The following WDR25 variants were observed in gnomAD, a reference collection of about 807,000 sequenced individuals.
WDR25 encodes WD repeat-containing protein 25.
WDR25 carries 35 observed loss-of-function variants against 47.7 expected under a neutral mutation model. That is an observed-to-expected ratio of 0.73 (90% CI 0.56 to 0.97). The LOEUF is 0.97. Among genes scored for constraint, WDR25 ranks in the 50% least tolerant of loss-of-function variants. The pLI is 0.00. For missense variants in WDR25, 634 were observed against 704.7 expected (o/e 0.90, Z 1.14); for synonymous variants, 248 against 278.9 (o/e 0.89, Z 1.10).
At chr14:100,417,769 T>G (rs533150211) in intron 2 of WDR25, among the ~76,000 whole-genome samples, 1 of 152,278 alleles carries the variant, frequency 6.6e-6, no homozygotes, top group African/African-American at 2.4e-5. Flanking sequence ...ACATCGCATT[T>G]TCTGCCTGAC....
chr14:100,456,501 A>G (rs887587335), intron 2 of WDR25, among the ~76,000 whole-genome samples: 1 of 152,348 alleles, frequency 6.6e-6, no homozygotes, highest in Non-Finnish European at 1.5e-5. Flanking sequence ...AACATATTAC[A>G]TATGTGCAAA....
chr14:100,515,383 G>A (rs74081520), intron 4 of WDR25, among the ~76,000 whole-genome samples: 5 of 151,872 alleles, frequency 3.3e-5, no homozygotes, highest in Admixed American at 1.3e-4. Context: ...CATATTCAGG[G>A]TTTTTGGATT....
At chr14:100,474,789 A>G (rs1899962562) in intron 3 of WDR25, among the ~76,000 whole-genome samples, 1 of 152,254 alleles carries the variant, frequency 6.6e-6, no homozygotes, top group Admixed American at 6.5e-5. Context: ...AAATATAGGC[A>G]AAAGAATTGC....
At chr14:100,483,781 G>T (rs1177103295) in intron 3 of WDR25, among the ~76,000 whole-genome samples, 1 of 152,212 alleles carries the variant, frequency 6.6e-6, no homozygotes, top group Non-Finnish European at 1.5e-5. Flanking sequence ...GGGATGTTCA[G>T]CTAGTCAAGG....
chr14:100,485,441 CTG>C (rs542302239), intron 4 of WDR25, among the ~76,000 whole-genome samples: 234 of 152,292 alleles, frequency 1.5e-3, no homozygotes, highest in Admixed American at 3.5e-3. Context: ...ATAGTTGGCA[CTG>C]TGTGAATCAT....
chr14:100,422,661 A>G (rs548333044), intron 2 of WDR25, among the ~76,000 whole-genome samples: 2 of 152,196 alleles, frequency 1.3e-5, no homozygotes, highest in Admixed American at 1.3e-4. Context: ...CCTCCTGAGT[A>G]TTTGTTCCGT....
intron 2 of WDR25, among the ~76,000 whole-genome samples, chr14:100,453,302 C>T (rs1034771607): frequency 6.6e-6 from 1 of 152,220 alleles, no homozygotes; most frequent in African/African-American, 2.4e-5. Flanking sequence ...ACTTTCGAGC[C>T]AGAGTGCCTT....
rs1009418549 is a variant in WDR25, at chr14:100,469,155, G to T, written c.970+987G>T. Among the ~76,000 whole-genome samples, 9 of 152,178 alleles carry T rather than the reference G, an allele frequency of 5.9e-5. No individual in the cohort carries two copies. In the East Asian group the frequency reaches 1.7e-3, roughly 29 times the overall value. ...CTTGCCTGCCTAGCCCCGCAGTGGT[G>T]GTGGCTCTGGGCCCTGCCTCTCCTA... On this transcript the variant is annotated intron_variant, in intron 3 of 6. Transcript: ENST00000402312.
chr14:100,526,144 A>C, intron 5 of WDR25, 104 bp downstream of exon 5: 5 of 1,369,476 alleles, frequency 3.7e-6, no homozygotes, highest in Non-Finnish European at 5.0e-6. Flanking sequence ...GAGGAGGCTC[A>C]CTGGACTGAA....
intron 4 of WDR25, among the ~76,000 whole-genome samples, chr14:100,514,698 A>G (rs923110654): frequency 3.3e-5 from 5 of 152,080 alleles, no homozygotes; most frequent in South Asian, 2.1e-4. Flanking sequence ...TTATGTTACA[A>G]TCTCCAACAT....
chr14:100,390,508 G>A (rs1221941713), intron 2 of WDR25, among the ~76,000 whole-genome samples: 1 of 152,016 alleles, frequency 6.6e-6, no homozygotes, highest in East Asian at 1.9e-4. Flanking sequence ...GCAGGCTGGC[G>A]CTCATCATAG....
rs540140708 is a variant in WDR25, at chr14:100,382,679, C to T, written c.822+933C>T. Among the ~76,000 whole-genome samples, 15 of 152,296 alleles carry T rather than the reference C, an allele frequency of 9.8e-5. No individual in the cohort carries two copies. The East Asian group carries it at 1.4e-3, about 14-fold the overall frequency. On this transcript the variant is annotated intron_variant, in intron 2 of 6. Coordinates refer to ENST00000402312, the MANE Select transcript of WDR25 (RefSeq NM_001161476.3). ...GCACTGCATCCCTCCTCTCTCTCCT[C>T]GCAGCTAGCAAAGCACCTGATATGT... is the stretch of plus-strand genomic sequence containing the variant.
At chr14:100,377,864 C>T (rs1013506051) in intron 1 of WDR25, among the ~76,000 whole-genome samples, 2 of 152,124 alleles carry the variant, frequency 1.3e-5, no homozygotes, top group South Asian at 2.1e-4. Context: ...TCTGGAATGA[C>T]TTAGAAAAGG....
chr14:100,435,066 C>T (rs1441203070), intron 2 of WDR25, among the ~76,000 whole-genome samples: 2 of 152,160 alleles, frequency 1.3e-5, no homozygotes, highest in Non-Finnish European at 2.9e-5. Flanking sequence ...GCACAGCCCC[C>T]ACCAGGCGTT....
chr14:100,417,537 C>A (rs943212339), intron 2 of WDR25, among the ~76,000 whole-genome samples: 1 of 152,200 alleles, frequency 6.6e-6, no homozygotes, highest in Non-Finnish European at 1.5e-5. Context: ...CCTGGTGGCT[C>A]CCCTTTCCAG....
intron 4 of WDR25, among the ~76,000 whole-genome samples, chr14:100,491,401 G>A (rs1037850508): frequency 5.3e-5 from 8 of 152,136 alleles, no homozygotes; most frequent in Non-Finnish European, 1.0e-4. Flanking sequence ...ACATAATGAC[G>A]TTTCGGTCAA....
intron 2 of WDR25, among the ~76,000 whole-genome samples, chr14:100,455,665 G>A (rs1453415251): frequency 6.6e-6 from 1 of 152,196 alleles, no homozygotes; most frequent in African/African-American, 2.4e-5. Flanking sequence ...AGAAAAATGA[G>A]TGTCATGTGG....
At chr14:100,459,028 A>G (rs955877800) in intron 2 of WDR25, among the ~76,000 whole-genome samples, 10 of 152,368 alleles carry the variant, frequency 6.6e-5, no homozygotes, top group Admixed American at 3.9e-4. Context: ...GCCAATAAAA[A>G]TAAGAGCAGA....
rs1375612965 is a variant in WDR25 at position 100,404,459 on chromosome 14, A to G, written c.822+22713A>G. 2.0e-5 allele frequency among the ~76,000 whole-genome samples: 3 copies of G among 152,194 alleles called. No homozygotes were observed. The highest frequency in any genetic ancestry group is 7.2e-5 in the African/African-American group (3 of 41,432). Reference sequence around the variant, plus strand: ...CAGTGTCATTTCTCATGTGGTTTTCACCTTGACCTTACCACCATGGGAGGC... The same window carrying G: ...CAGTGTCATTTCTCATGTGGTTTTCGCCTTGACCTTACCACCATGGGAGGC... On this transcript the variant is annotated intron_variant, in intron 2 of 6. Coordinates refer to ENST00000402312, the MANE Select transcript of WDR25 (RefSeq NM_001161476.3). This position sits in a 1 kb window ranked among gnomAD's most constrained non-coding sequence, Gnocchi z 4.6.
Sources: allele counts gnomAD v4.1 joint callset (sites outside exome capture counted in the v4.1 genomes callset), GRCh38; gene constraint gnomAD v4.1.1; non-coding constraint Gnocchi (gnomAD v3.1); transcripts MANE v1.5; gene names NCBI Gene and HGNC (gene_info 2026-07-23, HGNC 2026-07-21).